RGL1: variants seen among roughly 807,000 people sequenced by gnomAD.
The protein encoded by RGL1 is ral guanine nucleotide dissociation stimulator like 1, also known as ral guanine nucleotide dissociation stimulator-like 1.
In RGL1, 24 loss-of-function variants were observed where a neutral mutation model predicts 95.2. The observed-to-expected ratio is 0.25, with a 90% CI of 0.18 to 0.35. The LOEUF (loss-of-function observed/expected upper bound fraction) is 0.35. Ranked by LOEUF, RGL1 falls within the 10% of genes least tolerant of loss-of-function variation. The pLI, the probability that RGL1 is intolerant of heterozygous loss-of-function variation, is 1.00. For synonymous variants in RGL1, 329 were observed against 344.9 expected, an observed-to-expected ratio of 0.95 and a Z score of 0.51; for missense variants, 715 against 936.3, an observed-to-expected ratio of 0.76 and a Z score of 3.08.
intron 2 of RGL1, among the ~76,000 whole-genome samples, chr1:183,773,930 T>C (rs933968358): frequency 7.2e-6 from 1 of 138,372 alleles, no homozygotes; most frequent in African/African-American, 2.8e-5. Context: ...TAAGGAATAA[T>C]TGAGGGTGGT....
At chr1:183,788,869 T>G (rs887239711) in intron 2 of RGL1, among the ~76,000 whole-genome samples, 2 of 152,206 alleles carry the variant, frequency 1.3e-5, no homozygotes, top group African/African-American at 4.8e-5. Flanking sequence ...TAATCTGTGC[T>G]CCCTCTAACT....
chr1:183,658,439 C>T (rs1194488342), intron 1 of RGL1, among the ~76,000 whole-genome samples: 10 of 152,164 alleles, frequency 6.6e-5, no homozygotes, highest in African/African-American at 9.7e-5. Context: ...CCTACGCCCA[C>T]GGAGTCTCGC....
chr1:183,664,884 A>G (rs1651924943), intron 1 of RGL1, among the ~76,000 whole-genome samples: 1 of 151,836 alleles, frequency 6.6e-6, no homozygotes, highest in Non-Finnish European at 1.5e-5. Flanking sequence ...TTTTTTCCCA[A>G]TCTTATTGTG....
Position 183,740,129 on chromosome 1 carries a change from G to T in RGL1, c.-32-1997G>T, listed in dbSNP as rs1657198410. Among the ~76,000 whole-genome samples, 4 of 151,970 alleles carry T rather than the reference G, an allele frequency of 2.6e-5. No individual in the cohort carries two copies. In the South Asian group the frequency reaches 8.3e-4, roughly 32 times the overall value. ...TGGAATTTCCTTTCCTACTAATCTG[G>T]CCTGTTTCCATTTTGCCTGTTTATT... On this transcript the variant is annotated intron_variant, in intron 1 of 18. Transcript: ENST00000304685.
At chr1:183,817,820 C>T (rs114423999) in intron 2 of RGL1, among the ~76,000 whole-genome samples, 4,247 of 152,250 alleles carry the variant, frequency 0.028, 100 homozygotes, top group Middle Eastern at 0.048. Context: ...GTGTAACACT[C>T]GTTTTTGTGC....
chr1:183,672,468 T>C (rs1422357456), intron 1 of RGL1, among the ~76,000 whole-genome samples: 3 of 152,232 alleles, frequency 2.0e-5, no homozygotes, highest in Admixed American at 1.3e-4. Flanking sequence ...TCATTTATTC[T>C]ATGTGATTCT....
intron 2 of RGL1, among the ~76,000 whole-genome samples, chr1:183,842,415 T>C (rs1006325556): frequency 1.3e-5 from 2 of 152,166 alleles, no homozygotes; most frequent in Non-Finnish European, 2.9e-5. Flanking sequence ...TTTCCATGAC[T>C]GGAAACGGAA....
chr1:183,857,163 A>G lies in RGL1; in HGVS notation c.348-8833A>G, dbSNP rs557747806. On this transcript the variant is annotated intron_variant, in intron 3 of 17. Coordinates refer to ENST00000360851, the MANE Select transcript of RGL1 (RefSeq NM_001297671.3). ...ATGGAGGCAGAAGACAGAGAAAGAG[A>G]TACAAGGATGGAAATGGGATCAGAT... 8.8e-4 allele frequency among the ~76,000 whole-genome samples: 134 copies of G among 152,300 alleles called. 1 individual carries two copies. The highest frequency in any genetic ancestry group is 3.1e-3 in the African/African-American group (128 of 41,564).
intron 2 of RGL1, among the ~76,000 whole-genome samples, chr1:183,758,829 T>C (rs1444104733): frequency 6.6e-6 from 1 of 152,358 alleles, no homozygotes; most frequent in African/African-American, 2.4e-5. Flanking sequence ...TCAGAGAGAC[T>C]GTACCTATTT....
intron 7 of RGL1, among the ~76,000 whole-genome samples, chr1:183,888,025 A>G (rs912380140): frequency 6.6e-6 from 1 of 152,160 alleles, no homozygotes; most frequent in South Asian, 2.1e-4. Context: ...ACCTCTGTGG[A>G]CAAGGGTTGG....
intron 4 of RGL1, among the ~76,000 whole-genome samples, chr1:183,868,542 A>G (rs941667762): frequency 6.6e-6 from 1 of 152,218 alleles, no homozygotes; most frequent in Non-Finnish European, 1.5e-5. Context: ...CTGCATTTTA[A>G]CAAGATTCTC....
At chr1:183,661,850 A>G (rs573965504) in intron 1 of RGL1, among the ~76,000 whole-genome samples, 1 of 150,714 alleles carries the variant, frequency 6.6e-6, no homozygotes, top group East Asian at 1.9e-4. Context: ...CACATCAAAA[A>G]GCTTATCCAC....
At chr1:183,639,801 A>G (rs2101971039) in intron 1 of RGL1, among the ~76,000 whole-genome samples, 1 of 151,884 alleles carries the variant, frequency 6.6e-6, no homozygotes, top group East Asian at 1.9e-4. Flanking sequence ...GTGGCAAGCT[A>G]CATATACATC....
At chr1:183,760,327 T>C (rs1658588473) in intron 2 of RGL1, among the ~76,000 whole-genome samples, 1 of 152,158 alleles carries the variant, frequency 6.6e-6, no homozygotes, top group Non-Finnish European at 1.5e-5. Flanking sequence ...TTTCTTAAAA[T>C]AAGACATTAA....
rs375344876 is a variant in RGL1, at chr1:183,806,505, T to G, written c.138+20T>G. Reference sequence around the variant, plus strand: ...CTAGGGGTGAGTAAAGCTGGCGAGATGGTGAACTTTGGAATTTCAGTGTCT... The same window carrying G: ...CTAGGGGTGAGTAAAGCTGGCGAGAGGGTGAACTTTGGAATTTCAGTGTCT... On this transcript the variant is annotated intron_variant, in intron 2 of 17. Transcript: ENST00000360851. The G allele has an allele frequency of 6.7e-7, 1 of 1,503,374 alleles. No individual in the cohort carries two copies. Among genetic ancestry groups the G allele is most frequent in the Admixed American group, 1.7e-5 (1 of 59,754 alleles). The allele number at this position is 1,503,374 out of a possible 1,614,324, so 93.1% of individuals were successfully genotyped here.
chr1:183,651,584 T>G (rs1477023170), intron 1 of RGL1, among the ~76,000 whole-genome samples: 2 of 152,196 alleles, frequency 1.3e-5, no homozygotes, highest in African/African-American at 4.8e-5. Context: ...CATGTCACCA[T>G]TATCTTAGTG....
In RGL1 at chr1:183,834,158, T is replaced by A. The variant is rs994720248; in HGVS notation, c.139-13408T>A. 1.0e-3 allele frequency among the ~76,000 whole-genome samples: 158 copies of A among 152,186 alleles called. 3 individuals carry two copies. Among genetic ancestry groups the A allele is most frequent in the Non-Finnish European group, 2.5e-4 (17 of 68,022 alleles). ...AGTTGGCGTCTTATCTGTCTATTAA[T>A]TTGTTGTATCTCTGGCTTCCAGCAG... is the stretch of plus-strand genomic sequence containing the variant. On this transcript the variant is annotated intron_variant, in intron 2 of 17. Coordinates refer to ENST00000360851, the MANE Select transcript of RGL1 (RefSeq NM_001297671.3).
chr1:183,709,684 A>G (rs1188113472), intron 1 of RGL1: 2 of 215,566 alleles, frequency 9.3e-6, no homozygotes, highest in South Asian at 1.7e-4. Flanking sequence ...AGCAATGGCT[A>G]GTGATCATGT....
At chr1:183,686,634 A>G (rs914340686) in intron 1 of RGL1, among the ~76,000 whole-genome samples, 2 of 152,190 alleles carry the variant, frequency 1.3e-5, no homozygotes, top group African/African-American at 2.4e-5. Context: ...AGAAAGCTTA[A>G]TGACTTTGCC....
Sources: gnomAD v4.1 joint callset for allele counts (sites outside exome capture counted in the v4.1 genomes callset) on GRCh38, gnomAD v4.1.1 for gene constraint, MANE v1.5 for transcripts, NCBI Gene and HGNC (gene_info 2026-07-23, HGNC 2026-07-21) for gene names.